The following TEK variants were observed in gnomAD, a reference collection of about 807,000 sequenced individuals.
TEK encodes TEK receptor tyrosine kinase.
TEK carries 43 observed loss-of-function variants against 131.8 expected under a neutral mutation model. The observed-to-expected ratio is 0.33, with a 90% CI of 0.26 to 0.42. TEK has a LOEUF of 0.42. Among genes scored for constraint, TEK ranks in the 10% least tolerant of loss-of-function variants. The pLI, the probability that TEK is intolerant of heterozygous loss-of-function variation, is 1.00. For missense variants in TEK, 1,162 were observed against 1,384.4 expected, an observed-to-expected ratio of 0.84 and a Z score of 2.55; for synonymous variants, 580 against 491.6, an observed-to-expected ratio of 1.18 and a Z score of -2.38.
chr9:27,210,915 G>A (rs1325900605), intron 16 of TEK, among the ~76,000 whole-genome samples: 1 of 151,996 alleles, frequency 6.6e-6, no homozygotes, highest in African/African-American at 2.4e-5. Flanking sequence ...TCAAGATGTC[G>A]AGACCATCCT....
chr9:27,155,724 GT>G (rs556233663), intron 1 of TEK, among the ~76,000 whole-genome samples: 13 of 151,396 alleles, frequency 8.6e-5, no homozygotes, highest in East Asian at 1.9e-4. Context: ...AAATTGTAAT[GT>G]TTTTTTCCCC....
intron 4 of TEK, 140 bp from the exon 5 acceptor site, chr9:27,172,476 T>C (rs1823994096): frequency 8.3e-7 from 1 of 1,211,378 alleles, no homozygotes; most frequent in African/African-American, 1.5e-5. Context: ...TATTAGATGA[T>C]GAGCTTTTAG....
intron 1 of TEK, among the ~76,000 whole-genome samples, chr9:27,136,099 T>TTTTTTTA (rs1554689021): frequency 6.6e-6 from 1 of 151,392 alleles, no homozygotes; most frequent in Admixed American, 6.6e-5. Flanking sequence ...TTTTTTTTTT[T>TTTTTTTA]GAGATGGAGT....
At chr9:27,133,103 T>C (rs1364568377) in intron 1 of TEK, among the ~76,000 whole-genome samples, 2 of 152,208 alleles carry the variant, frequency 1.3e-5, no homozygotes, top group Non-Finnish European at 2.9e-5. Context: ...AGCTGCCATA[T>C]TGTTACTGAG....
At chr9:27,224,675 C>G (rs1826237558) in intron 21 of TEK, among the ~76,000 whole-genome samples, 1 of 152,174 alleles carries the variant, frequency 6.6e-6, no homozygotes, top group Admixed American at 6.5e-5. Flanking sequence ...AAGCTGGAAG[C>G]ATTCCCTTTG....
Position 27,150,853 on chromosome 9 carries a change from AG to A in TEK, c.53-6977del, listed in dbSNP as rs562337039. On this transcript the variant is annotated intron_variant, in intron 1 of 22. Coordinates refer to ENST00000380036, the MANE Select transcript of TEK (RefSeq NM_000459.5). The stretch of plus-strand genomic sequence containing the variant: ...AACTAACACATGTGTTATTTGGCCT[AG>A]ATGGAAAATTTCCGGCGTTTGAAGG... Among the ~76,000 whole-genome samples, 447 of 152,286 alleles carry A rather than the reference AG, an allele frequency of 2.9e-3. 2 individuals are homozygous for A. The highest frequency in any genetic ancestry group is 0.01 in the African/African-American group (422 of 41,562).
At chr9:27,135,634 C>T (rs1822396704) in intron 1 of TEK, among the ~76,000 whole-genome samples, 1 of 152,138 alleles carries the variant, frequency 6.6e-6, no homozygotes, top group Admixed American at 6.5e-5. Context: ...TAAGTACCAC[C>T]AGCTTCATTT....
chr9:27,186,143 G>T (rs759326634), intron 9 of TEK, among the ~76,000 whole-genome samples: 3 of 152,160 alleles, frequency 2.0e-5, no homozygotes, highest in Non-Finnish European at 4.4e-5. Context: ...TAATTAACAT[G>T]AATGTCTTTT....
chr9:27,219,732 AAAGGTTAATCTTATTGGTATAAT>A (rs976688433), intron 20 of TEK, among the ~76,000 whole-genome samples: 3 of 139,046 alleles, frequency 2.2e-5, no homozygotes, highest in African/African-American at 8.4e-5. Context: ...AATCAGAAAA[AAAGGTTAATCTTATTGGTATAAT>A]AAAGGTTAAT....
intron 13 of TEK, among the ~76,000 whole-genome samples, chr9:27,203,701 G>T (rs748576750): frequency 2.0e-5 from 3 of 152,218 alleles, no homozygotes; most frequent in Non-Finnish European, 4.4e-5. Flanking sequence ...TCCCATGTGG[G>T]TGGAGCTGCA....
At position 27,229,214 on chromosome 9, in the gene TEK, T is replaced by C. The variant is rs778860734; in HGVS notation, c.3357T>C (p.Ser1119=). ...EKFTYAGIDC[S]AEEAA The stretch of plus-strand genomic sequence containing the variant: ...TTACTTATGCAGGAATTGACTGTTC[T>C]GCTGAAGAAGCGGCCTAGGACAGAA... The change falls in exon 23 of 23, where the codon TCT becomes TCC. Residue 1119 remains serine, a synonymous_variant. Transcript: ENST00000380036. The C allele has an allele frequency of 6.2e-7, 1 of 1,613,876 alleles. No homozygotes were observed. The highest frequency in any genetic ancestry group is 8.5e-7 in the Non-Finnish European group (1 of 1,179,752).
chr9:27,204,058 C>T (rs1027343215), intron 13 of TEK, among the ~76,000 whole-genome samples: 6 of 152,146 alleles, frequency 3.9e-5, no homozygotes, highest in African/African-American at 1.4e-4. Flanking sequence ...TTTGTAATTA[C>T]TTGTGTTTTG....
chr9:27,193,237 C>G (rs1289026876), intron 11 of TEK, among the ~76,000 whole-genome samples: 1 of 152,164 alleles, frequency 6.6e-6, no homozygotes, highest in East Asian at 1.9e-4. Context: ...CCTCCCTTTT[C>G]TAAATCAGTG....
rs139595311 is a variant in TEK, at chr9:27,120,850, C to T, written c.52+11208C>T. Among the ~76,000 whole-genome samples, 528 of 152,232 alleles carry T rather than the reference C, an allele frequency of 3.5e-3. 5 individuals are homozygous for T. Among genetic ancestry groups the T allele is most frequent in the African/African-American group, 0.012 (504 of 41,534 alleles). On this transcript the variant is annotated intron_variant, in intron 1 of 22. Coordinates refer to ENST00000380036, the MANE Select transcript of TEK (RefSeq NM_000459.5). ...GGATGAGGAGGGTTTGCACTGGTGC[C>T]TAAGAGGTTTCAGATACAGGCACCT...
chr9:27,111,804 T>C (rs1318800532), intron 1 of TEK, among the ~76,000 whole-genome samples: 1 of 152,140 alleles, frequency 6.6e-6, no homozygotes, highest in African/African-American at 2.4e-5. Context: ...AAAAAATCAC[T>C]GTGATTTATC....
chr9:27,138,085 T>C (rs1008968732), intron 1 of TEK, among the ~76,000 whole-genome samples: 1 of 152,204 alleles, frequency 6.6e-6, no homozygotes, highest in African/African-American at 2.4e-5. Context: ...GGTGGGTTCG[T>C]GGTCTCACTG....
chr9:27,216,801 T>A (rs1587035717), intron 18 of TEK, among the ~76,000 whole-genome samples: 1 of 152,084 alleles, frequency 6.6e-6, no homozygotes, highest in East Asian at 1.9e-4. Context: ...GTCCCTCAAG[T>A]GCTCCTGGTT....
chr9:27,157,741 C>G (rs745896822), intron 1 of TEK, 90 bp from the exon 2 acceptor site: 119 of 1,446,078 alleles, frequency 8.2e-5, no homozygotes, highest in Non-Finnish European at 1.1e-4. Context: ...CCTCACACAA[C>G]TTTAAGACAA....
intron 4 of TEK, among the ~76,000 whole-genome samples, chr9:27,171,283 A>G (rs1823945208): frequency 6.6e-6 from 1 of 152,268 alleles, no homozygotes; most frequent in South Asian, 2.1e-4. Flanking sequence ...TTCAGGTCTA[A>G]ATGCCTGGGC....
Sources: gnomAD v4.1 joint callset for allele counts (sites outside exome capture counted in the v4.1 genomes callset) on GRCh38, gnomAD v4.1.1 for gene constraint, MANE v1.5 for transcripts, NCBI Gene and HGNC (gene_info 2026-07-23, HGNC 2026-07-21) for gene names.